The following KHDC1 variants were observed in gnomAD, a reference collection of about 807,000 sequenced individuals.
KHDC1 encodes KH homology domain-containing protein 1.
In KHDC1, 21 loss-of-function variants were observed where a neutral mutation model predicts 24.7. The observed-to-expected ratio is 0.85, with a 90% CI of 0.60 to 1.23. The LOEUF is 1.23. KHDC1 is among the 50% of genes most tolerant of loss of function. The probability of loss-of-function intolerance (pLI) is 0.00; values close to 1 mark genes in which losing one functional copy is unlikely to be tolerated. For synonymous variants in KHDC1, 98 were observed against 111.7 expected, an observed-to-expected ratio of 0.88 and a Z score of 0.77; for missense variants, 274 against 298.5, an observed-to-expected ratio of 0.92 and a Z score of 0.61.
At chr6:73,309,660 A>C in exon 1 of KHDC1, 1 of 1,550,202 alleles carries the variant, frequency 6.5e-7, no homozygotes. Context: ...CCGTATTCTG[A>C]GACTGTTTCA....
At chr6:73,246,782 A>C (rs1318477239) in intron 2 of KHDC1, among the ~76,000 whole-genome samples, 2 of 152,124 alleles carry the variant, frequency 1.3e-5, no homozygotes, top group East Asian at 3.8e-4. Flanking sequence ...ACAAATACTC[A>C]TAATGTGTTT....
intron 2 of KHDC1, among the ~76,000 whole-genome samples, chr6:73,245,525 G>A (rs1766649907): frequency 6.6e-6 from 1 of 152,168 alleles, no homozygotes; most frequent in African/African-American, 2.4e-5. Flanking sequence ...CTAACTGCAT[G>A]GAGTAGCCTA....
At position 73,273,415 on chromosome 6, in the gene KHDC1, G is replaced by A. The variant is rs111529221; in HGVS notation, c.206+18583C>T. On this transcript the variant is annotated intron_variant, in intron 2 of 4. Coordinates refer to ENST00000370384, the Ensembl canonical transcript of KHDC1. Reference sequence around the variant, plus strand: ...ACTCCTGACCTGAAGTGATCCCCCCGCCTCGGCCTCCCAAAGTGCTGGAAT... The same window carrying A: ...ACTCCTGACCTGAAGTGATCCCCCCACCTCGGCCTCCCAAAGTGCTGGAAT... 1.9e-3 allele frequency among the ~76,000 whole-genome samples: 283 copies of A among 147,436 alleles called. 2 individuals carry two copies. The highest frequency in any genetic ancestry group is 7.6e-3 in the Middle Eastern group (2 of 264).
At chr6:73,292,333 G>A in intron 1 of KHDC1, 2 of 919,890 alleles carry the variant, frequency 2.2e-6, no homozygotes, top group East Asian at 2.4e-5. Flanking sequence ...ATGGTTTTAG[G>A]CAGGAGTATT....
rs140342387 is a variant in KHDC1 at position 73,290,106 on chromosome 6, CA to C, written c.206+1891del. Among the ~76,000 whole-genome samples the C allele has an allele frequency of 9.6e-3, 829 of 86,454 alleles. 12 individuals are homozygous for C. Among genetic ancestry groups the C allele is most frequent in the Admixed American group, 0.04 (279 of 6,972 alleles). 56.7% of individuals were successfully genotyped at this position (86,454 alleles called of 152,430 possible). ...TGGGCAACAGAGCGAGACTCCGTCT[CA>C]AAAAAAAAAAAAAAAAAAAATTAGC... On this transcript the variant is annotated intron_variant, in intron 2 of 4. Transcript: ENST00000370384.
intron 2 of KHDC1, among the ~76,000 whole-genome samples, chr6:73,282,382 C>T (rs1767430857): frequency 6.6e-6 from 1 of 152,054 alleles, no homozygotes; most frequent in Non-Finnish European, 1.5e-5. Context: ...TGAAAGAGAG[C>T]TGATCTAACC....
At chr6:73,271,340 G>A (rs969208221) in intron 2 of KHDC1, among the ~76,000 whole-genome samples, 1 of 151,488 alleles carries the variant, frequency 6.6e-6, no homozygotes, top group African/African-American at 2.4e-5. Context: ...CTCCTCAGTA[G>A]CTGGGATTAC....
chr6:73,262,919 C>A lies in KHDC1; in HGVS notation c.207-20389G>T. ...GCCGGGAACCCAGGCTTCTCTGTCC[C>A]TTCACCGGACTAACCGAGTTCGAGA... is the stretch of plus-strand genomic sequence containing the variant. On this transcript the variant is annotated intron_variant, in intron 2 of 4. In the 5' UTR this introduces an upstream ATG that the reference lacks. Coordinates refer to ENST00000370384, the Ensembl canonical transcript of KHDC1. 1 of 987,478 alleles carries A rather than the reference C, an allele frequency of 1.0e-6. No homozygotes were observed. Among genetic ancestry groups the A allele is most frequent in the Non-Finnish European group, 1.2e-6 (1 of 830,846 alleles). 61.2% of individuals were successfully genotyped at this position (987,478 alleles called of 1,614,324 possible).
At chr6:73,262,326 G>A (rs1296182974) in intron 2 of KHDC1, among the ~76,000 whole-genome samples, 3 of 152,192 alleles carry the variant, frequency 2.0e-5, no homozygotes, top group African/African-American at 7.2e-5. Flanking sequence ...AACCTTTCCT[G>A]CCCTTTTCCT....
rs947187636 is a variant in KHDC1 at position 73,264,445 on chromosome 6, C to T, written c.207-21915G>A. 2.4e-4 allele frequency among the ~76,000 whole-genome samples: 37 copies of T among 152,316 alleles called. 1 individual carries two copies. The highest frequency in any genetic ancestry group is 8.2e-4 in the African/African-American group (34 of 41,574). On this transcript the variant is annotated intron_variant, in intron 2 of 4. Coordinates refer to ENST00000370384, the Ensembl canonical transcript of KHDC1. ...TAGGAGTCTCAAGCCAGTACAGGAACAAGGAGGCAGGTTGCCCTCTTGGGG... is the reference window on the plus strand; with the variant it reads ...TAGGAGTCTCAAGCCAGTACAGGAATAAGGAGGCAGGTTGCCCTCTTGGGG...
chr6:73,245,422 C>T (rs755495685), intron 2 of KHDC1, among the ~76,000 whole-genome samples: 3 of 152,048 alleles, frequency 2.0e-5, no homozygotes, highest in Non-Finnish European at 2.9e-5. Context: ...TTGTTGTTAC[C>T]TATTAAAAGC....
At chr6:73,298,675 C>T (rs1767808635) in intron 1 of KHDC1, among the ~76,000 whole-genome samples, 1 of 151,770 alleles carries the variant, frequency 6.6e-6, no homozygotes, top group African/African-American at 2.4e-5. Context: ...TCAGGTGACC[C>T]ACCTGCCTCG....
At position 73,242,483 on chromosome 6, in the gene KHDC1, G is replaced by A. The variant is rs376978395; in HGVS notation, c.254C>T (p.Pro85Leu). ...AAAGTTTTGAGGCAGGGTCCACCAC[G>A]GCTTCTTGCTGAGAGCACTCGTTCC... Residue 85 changes from proline to leucine, a missense_variant, in exon 3 of 5, where the codon CCG (proline) becomes CTG (leucine). Physicochemically the swap from Pro to Leu is moderately conservative, Grantham distance 98 (BLOSUM62 -3). Coordinates refer to ENST00000370384, the Ensembl canonical transcript of KHDC1. 79 of 1,614,044 alleles carry A rather than the reference G, an allele frequency of 4.9e-5. No individual in the cohort carries two copies. The highest frequency in any genetic ancestry group is 6.7e-5 in the African/African-American group (5 of 74,916).
At chr6:73,287,149 A>G (rs977709066) in intron 2 of KHDC1, among the ~76,000 whole-genome samples, 4 of 152,236 alleles carry the variant, frequency 2.6e-5, no homozygotes, top group Non-Finnish European at 5.9e-5. Context: ...TACCAAAGCA[A>G]TAAGAAATGT....
At chr6:73,290,919 T>C in intron 2 of KHDC1, 1 of 361,984 alleles carries the variant, frequency 2.8e-6, no homozygotes, top group Non-Finnish European at 5.4e-6. Flanking sequence ...GCTCAATCAC[T>C]GAGTCTAATG....
intron 1 of KHDC1, chr6:73,292,611 G>A: frequency 3.9e-6 from 3 of 760,286 alleles, no homozygotes; most frequent in Non-Finnish European, 7.4e-6. Flanking sequence ...CTCGTTCACT[G>A]GTCTCTGTTT....
intron 1 of KHDC1, among the ~76,000 whole-genome samples, chr6:73,302,860 T>C (rs1767901573): frequency 6.6e-6 from 1 of 152,178 alleles, no homozygotes; most frequent in Non-Finnish European, 1.5e-5. Flanking sequence ...GCCGATCACA[T>C]GAGGACAGGA....
intron 1 of KHDC1, among the ~76,000 whole-genome samples, chr6:73,306,835 C>T (rs1253089936): frequency 2.0e-5 from 3 of 152,090 alleles, no homozygotes; most frequent in African/African-American, 4.8e-5. Flanking sequence ...GGTGAAACCC[C>T]GTCTCTACTA....
chr6:73,276,193 T>TA (rs1196315193), intron 2 of KHDC1: 15 of 146,156 alleles, frequency 1.0e-4, no homozygotes, highest in Middle Eastern at 3.6e-3. Context: ...AGATTCTGTC[T>TA]AAAAAAAAAG....
Sources: allele counts gnomAD v4.1 joint callset (sites outside exome capture counted in the v4.1 genomes callset), GRCh38; gene constraint gnomAD v4.1.1; transcripts MANE v1.5; gene names NCBI Gene and HGNC (gene_info 2026-07-23, HGNC 2026-07-21).